The following OPCML variants were observed in gnomAD, a reference collection of about 807,000 sequenced individuals.
OPCML encodes opioid-binding protein/cell adhesion molecule.
Under a neutral mutation model 37.8 loss-of-function variants are expected in OPCML, and 13 were observed. The ratio of observed to expected loss-of-function variants is 0.34; its 90% CI spans 0.22 to 0.55. OPCML has a LOEUF of 0.55. Among genes scored for constraint, OPCML ranks in the 20% least tolerant of loss-of-function variants. The pLI is 0.91. For synonymous variants in OPCML, 176 were observed against 168.8 expected, an observed-to-expected ratio of 1.04 and a Z score of -0.33; for missense variants, 341 against 435.6, an observed-to-expected ratio of 0.78 and a Z score of 1.93.
intron 1 of OPCML, among the ~76,000 whole-genome samples, chr11:133,304,864 T>C (rs1006755676): frequency 4.6e-5 from 7 of 152,196 alleles, no homozygotes; most frequent in Non-Finnish European, 8.8e-5. Flanking sequence ...TTTCAAATTA[T>C]GAAATTGAGT....
chr11:133,306,850 G>A (rs1453806062), intron 1 of OPCML, among the ~76,000 whole-genome samples: 2 of 152,092 alleles, frequency 1.3e-5, no homozygotes, highest in African/African-American at 4.8e-5. Flanking sequence ...ATCTGATTCT[G>A]TTTCTTCTTC....
chr11:133,342,225 G>A (rs1040341807), intron 1 of OPCML, among the ~76,000 whole-genome samples: 2 of 152,074 alleles, frequency 1.3e-5, no homozygotes, highest in Non-Finnish European at 2.9e-5. Context: ...AGACTCCCAG[G>A]GGGAAGAGAA....
intron 3 of OPCML, among the ~76,000 whole-genome samples, chr11:132,632,136 A>T (rs1199596620): frequency 2.0e-4 from 29 of 147,142 alleles, no homozygotes; most frequent in African/African-American, 7.2e-4. Context: ...ATCCAGCTTA[A>T]AAAAAAAAAA....
intron 1 of OPCML, among the ~76,000 whole-genome samples, chr11:133,516,026 A>G (rs1408161299): frequency 1.3e-5 from 2 of 151,930 alleles, no homozygotes; most frequent in African/African-American, 4.8e-5. Context: ...ATCCTCCAAC[A>G]ACCAGAAGTA....
intron 1 of OPCML, among the ~76,000 whole-genome samples, chr11:133,214,639 A>T (rs1026466081): frequency 6.6e-6 from 1 of 152,246 alleles, no homozygotes; most frequent in Non-Finnish European, 1.5e-5. Flanking sequence ...TTAATGTCCC[A>T]GACACCTTTT....
intron 1 of OPCML, among the ~76,000 whole-genome samples, chr11:133,156,521 G>A (rs1403304800): frequency 6.6e-6 from 1 of 152,196 alleles, no homozygotes; most frequent in African/African-American, 2.4e-5. Context: ...CCTCTCATCA[G>A]GCCTCTAGGC....
At chr11:133,004,546 G>T (rs559028166) in intron 1 of OPCML, 1 of 985,420 alleles carries the variant, frequency 1.0e-6, no homozygotes, top group Non-Finnish European at 1.2e-6. Context: ...CCTCTTGGCC[G>T]TCCTGACACT....
At chr11:133,145,499 A>G (rs939308413) in intron 1 of OPCML, among the ~76,000 whole-genome samples, 1 of 152,214 alleles carries the variant, frequency 6.6e-6, no homozygotes, top group Non-Finnish European at 1.5e-5. Context: ...TGCTGGAAGG[A>G]AACCTGGAAA....
intron 2 of OPCML, among the ~76,000 whole-genome samples, chr11:132,918,741 G>A (rs1010466985): frequency 8.5e-5 from 13 of 152,130 alleles, no homozygotes; most frequent in Non-Finnish European, 1.6e-4. Context: ...CTATAGAGGT[G>A]TCTATTTCAC....
At chr11:133,261,259 T>C (rs536499497) in intron 1 of OPCML, among the ~76,000 whole-genome samples, 1 of 152,342 alleles carries the variant, frequency 6.6e-6, no homozygotes, top group South Asian at 2.1e-4. Context: ...ATAAGGAAAC[T>C]TCCTCTTCAT....
rs60730345 is a variant in OPCML at position 132,800,949 on chromosome 11, T to TA, written c.146+141976dup. On this transcript the variant is annotated intron_variant, in intron 2 of 7. Coordinates refer to ENST00000524381, the MANE Select transcript of OPCML (RefSeq NM_001012393.5). ...AAGTATTCTCTGATCTTCCATTTTA[T>TA]AAAAAAGCTTGTGAAGAATTGATAT... 3.3e-5 allele frequency among the ~76,000 whole-genome samples: 5 copies of TA among 152,290 alleles called. No homozygotes were observed. The East Asian group carries it at 9.7e-4, about 29-fold the overall frequency.
At chr11:133,477,571 T>C (rs1165919159) in intron 1 of OPCML, among the ~76,000 whole-genome samples, 2 of 152,164 alleles carry the variant, frequency 1.3e-5, no homozygotes, top group Non-Finnish European at 2.9e-5. Context: ...TTTTTTCTTT[T>C]AGAGTAGAGG....
chr11:133,459,504 T>C (rs1219397989), intron 1 of OPCML, among the ~76,000 whole-genome samples: 2 of 152,072 alleles, frequency 1.3e-5, no homozygotes, highest in Non-Finnish European at 2.9e-5. Context: ...ATATCATCTA[T>C]AAGTTGAAAG....
chr11:132,529,352 CT>C, intron 3 of OPCML, 166 bp from the exon 4 acceptor site: 1 of 355,182 alleles, frequency 2.8e-6, no homozygotes, highest in Non-Finnish European at 3.9e-6. Context: ...ATACATTTAC[CT>C]TGTATTTATG....
chr11:133,007,392 T>C (rs1392360395), intron 1 of OPCML: 1 of 985,348 alleles, frequency 1.0e-6, no homozygotes, highest in Admixed American at 6.1e-5. Flanking sequence ...TACTTGGTGC[T>C]TATCGCCCCA....
At chr11:132,969,778 C>T (rs574121762) in intron 1 of OPCML, among the ~76,000 whole-genome samples, 11 of 152,240 alleles carry the variant, frequency 7.2e-5, no homozygotes, top group East Asian at 1.9e-4. Context: ...GGCTCAATTA[C>T]GTCTTATCAA....
intron 1 of OPCML, among the ~76,000 whole-genome samples, chr11:133,217,053 G>C (rs571093149): frequency 1.3e-5 from 2 of 152,296 alleles, no homozygotes; most frequent in African/African-American, 4.8e-5. Flanking sequence ...TAAAGACTAA[G>C]TTTTCCACCC....
rs1011856720 is a variant in OPCML, at chr11:132,915,925, G to T, written c.146+27001C>A. Among the ~76,000 whole-genome samples, 9 of 152,082 alleles carry T rather than the reference G, an allele frequency of 5.9e-5. No homozygotes were observed. The East Asian group carries it at 1.2e-3, about 20-fold the overall frequency. ...GTCTACTGCTTATCTTTTCTACAGA[G>T]ATCTTTCATATTTAATTAGGCCAAT... is the stretch of plus-strand genomic sequence containing the variant. On this transcript the variant is annotated intron_variant, in intron 2 of 7. Transcript: ENST00000524381.
intron 2 of OPCML, among the ~76,000 whole-genome samples, chr11:132,785,895 C>A (rs1006082079): frequency 6.6e-5 from 10 of 152,218 alleles, no homozygotes; most frequent in Non-Finnish European, 1.5e-4. Context: ...AATCAGTTGA[C>A]ATTTTTTAAA....
Sources: gnomAD v4.1 joint callset for allele counts (sites outside exome capture counted in the v4.1 genomes callset) on GRCh38, gnomAD v4.1.1 for gene constraint, MANE v1.5 for transcripts, NCBI Gene and HGNC (gene_info 2026-07-23, HGNC 2026-07-21) for gene names.